Variants in MYO5B observed in about 807,000 individuals in gnomAD.
MYO5B encodes unconventional myosin-Vb.
Under a neutral mutation model 229.3 loss-of-function variants are expected in MYO5B, and 143 were observed. The ratio of observed to expected loss-of-function variants is 0.62; its 90% CI spans 0.54 to 0.72. MYO5B has a LOEUF of 0.72. MYO5B is among the 30% of genes least tolerant of loss of function. The probability of loss-of-function intolerance (pLI) is 0.00; values close to 1 mark genes in which losing one functional copy is unlikely to be tolerated. For missense variants in MYO5B, 2,321 were observed against 2,331.0 expected (o/e 1.00, Z 0.09); for synonymous variants, 918 against 885.2 (o/e 1.04, Z -0.66).
chr18:49,823,388 C>G lies in MYO5B; in HGVS notation c.*3083G>C, dbSNP rs982534506. The stretch of plus-strand genomic sequence containing the variant: ...TTTAGTGACCATTTAGTTATGCAGG[C>G]ATTATACAAATGCCTCAATTTAGGA... On this transcript the variant is annotated 3_prime_UTR_variant, in exon 40 of 40. Coordinates refer to ENST00000285039, the MANE Select transcript of MYO5B (RefSeq NM_001080467.3). 6.6e-6 allele frequency: 1 copy of G among 152,324 alleles called. No individual in the cohort carries two copies. Among genetic ancestry groups the G allele is most frequent in the Non-Finnish European group, 1.5e-5 (1 of 68,062 alleles). The allele number at this position is 152,324 out of a possible 1,614,324, so 9.4% of individuals were successfully genotyped here. A position where few individuals can be genotyped will look rare whatever the true frequency, so the allele number is the denominator to read the frequency against.
At chr18:50,011,271 G>C (rs1017927327) in intron 4 of MYO5B, among the ~76,000 whole-genome samples, 3 of 152,160 alleles carry the variant, frequency 2.0e-5, no homozygotes, top group Non-Finnish European at 4.4e-5. Flanking sequence ...GAGCCTGGGA[G>C]GTGGAGGTTG....
chr18:50,155,600 T>A (rs551704947), intron 1 of MYO5B, among the ~76,000 whole-genome samples: 30 of 152,332 alleles, frequency 2.0e-4, no homozygotes, highest in African/African-American at 7.0e-4. Flanking sequence ...GTCATTAAAT[T>A]GTTTTGCCCG....
At chr18:50,005,358 T>C (rs1417728067) in intron 4 of MYO5B, among the ~76,000 whole-genome samples, 1 of 152,194 alleles carries the variant, frequency 6.6e-6, no homozygotes. Context: ...ACCCACATTA[T>C]AGAGAATACC....
intron 1 of MYO5B, among the ~76,000 whole-genome samples, chr18:50,193,746 A>G (rs1028201091): frequency 6.6e-6 from 1 of 152,250 alleles, no homozygotes; most frequent in African/African-American, 2.4e-5. Flanking sequence ...TGGACTATCC[A>G]AAACTTGTTT....
At chr18:49,863,095 C>A (rs1028404416) in intron 29 of MYO5B, 132 bp downstream of exon 29, 12 of 753,754 alleles carry the variant, frequency 1.6e-5, no homozygotes, top group African/African-American at 1.0e-4. Context: ...GTCAGTCTTT[C>A]TGTGTCCTCT....
At chr18:49,931,668 G>C (rs1598891306) in intron 16 of MYO5B, among the ~76,000 whole-genome samples, 1 of 152,150 alleles carries the variant, frequency 6.6e-6, no homozygotes, top group African/African-American at 2.4e-5. Flanking sequence ...ATCCAAGGGG[G>C]TCTTCATTAC....
intron 1 of MYO5B, among the ~76,000 whole-genome samples, chr18:50,184,016 C>T (rs8085880): frequency 0.5 from 76,158 of 152,028 alleles, 19,242 homozygotes; most frequent in Admixed American, 0.59. Context: ...CCTTGAACTT[C>T]CCAGCCTACA....
chr18:49,852,630 G>A (rs943301660), intron 31 of MYO5B, among the ~76,000 whole-genome samples: 3 of 152,206 alleles, frequency 2.0e-5, no homozygotes, highest in South Asian at 4.2e-4. Context: ...CTACAGGCAC[G>A]TTCAGCTCCA....
Position 49,836,708 on chromosome 18 carries a change from T to TA in MYO5B, c.5313+2dup, listed in dbSNP as rs1568602783. 2.5e-6 allele frequency: 4 copies of TA among 1,614,008 alleles called. No homozygotes were observed. The South Asian group carries it at 4.4e-5, about 18-fold the overall frequency. On this transcript the variant is annotated splice_region_variant and intron_variant, in intron 38 of 39. Coordinates refer to ENST00000285039, the MANE Select transcript of MYO5B (RefSeq NM_001080467.3). ...TGTTGACAGAGGTGCAAAGTGACTG[T>TA]ACCTGCTGGGTGCTGAGGGAGGTAC...
At chr18:49,897,381 G>T (rs921349812) in intron 21 of MYO5B, among the ~76,000 whole-genome samples, 2 of 152,156 alleles carry the variant, frequency 1.3e-5, no homozygotes, top group East Asian at 1.9e-4. Context: ...GACCTTGTGT[G>T]TGTCTAGGCT....
At chr18:49,916,602 G>A (rs899562087) in intron 17 of MYO5B, among the ~76,000 whole-genome samples, 21 of 152,196 alleles carry the variant, frequency 1.4e-4, no homozygotes, top group Non-Finnish European at 2.5e-4. Flanking sequence ...ACCACAGACA[G>A]GGTGTGCAGA....
intron 1 of MYO5B, among the ~76,000 whole-genome samples, chr18:50,136,589 G>A (rs755517007): frequency 6.6e-6 from 1 of 152,098 alleles, no homozygotes; most frequent in Admixed American, 6.5e-5. Flanking sequence ...GTAGGGTTAT[G>A]TGTGTATATG....
In MYO5B at chr18:49,849,581, G is replaced by A; in HGVS notation, c.4301C>T (p.Ala1434Val). Residue 1434 changes from alanine to valine, a missense_variant, in exon 32 of 40, where the codon GCC becomes GTC. Around this residue, in one of 2 missense-constraint regions of MYO5B, gnomAD observed 2,113 missense variants for 2,044.7 expected, o/e 1.03. Coordinates refer to ENST00000285039, the MANE Select transcript of MYO5B (RefSeq NM_001080467.3). ...CACCCCCCTACCTTCTAGGTCCTGGGCTTTCTTCATGTAAATCTTCAGTTG... is the reference window on the plus strand; with the variant it reads ...CACCCCCCTACCTTCTAGGTCCTGGACTTTCTTCATGTAAATCTTCAGTTG... ...KKQLKIYMKK[A>V]QDLEAAQALA... 3.1e-6 allele frequency: 5 copies of A among 1,611,704 alleles called. No homozygotes were observed. Among genetic ancestry groups the A allele is most frequent in the Non-Finnish European group, 4.2e-6 (5 of 1,178,826 alleles).
intron 10 of MYO5B, among the ~76,000 whole-genome samples, chr18:49,966,897 G>C (rs1462263133): frequency 2.0e-5 from 3 of 152,132 alleles, no homozygotes; most frequent in African/African-American, 7.2e-5. Flanking sequence ...GCCACAGTTG[G>C]GGAGATTGGG....
At chr18:50,130,949 C>G (rs971819290) in intron 1 of MYO5B, among the ~76,000 whole-genome samples, 3 of 152,188 alleles carry the variant, frequency 2.0e-5, no homozygotes, top group Non-Finnish European at 4.4e-5. Context: ...TTATCCCAAG[C>G]TGAGTAGTTA....
chr18:49,890,415 T>A (rs2024697760), intron 22 of MYO5B, among the ~76,000 whole-genome samples: 1 of 152,222 alleles, frequency 6.6e-6, no homozygotes, highest in Non-Finnish European at 1.5e-5. Context: ...CAGGCAACAT[T>A]ACTCAGTGTT....
rs566035953 is a variant in MYO5B at position 49,829,634 on chromosome 18, A to G, written c.5395-3011T>C. Among the ~76,000 whole-genome samples, 22 of 152,336 alleles carry G rather than the reference A, an allele frequency of 1.4e-4. No homozygotes were observed. The South Asian group carries it at 4.6e-3, about 32-fold the overall frequency. ...ATAACCCTAATATCAAAGCCAGATAAAGACCCTGTAAGAAAACAAAACTAT... is the reference window on the plus strand; with the variant it reads ...ATAACCCTAATATCAAAGCCAGATAGAGACCCTGTAAGAAAACAAAACTAT... On this transcript the variant is annotated intron_variant, in intron 39 of 39. Coordinates refer to ENST00000285039, the MANE Select transcript of MYO5B (RefSeq NM_001080467.3).
intron 1 of MYO5B, among the ~76,000 whole-genome samples, chr18:50,125,280 C>T (rs2032140520): frequency 6.6e-6 from 1 of 151,110 alleles, no homozygotes; most frequent in Non-Finnish European, 1.5e-5. Flanking sequence ...GGAAAGAAAA[C>T]CAAACACCGC....
At chr18:49,927,100 C>A (rs1265349017) in intron 17 of MYO5B, among the ~76,000 whole-genome samples, 1 of 151,960 alleles carries the variant, frequency 6.6e-6, no homozygotes. Context: ...GATGGTAGCA[C>A]AAAATAAGGA....
Sources: allele counts gnomAD v4.1 joint callset (sites outside exome capture counted in the v4.1 genomes callset), GRCh38; gene constraint gnomAD v4.1.1; regional missense constraint gnomAD v4.1.1; transcripts MANE v1.5; gene names NCBI Gene and HGNC (gene_info 2026-07-23, HGNC 2026-07-21).